Variants in COL5A1 observed in about 807,000 individuals in gnomAD.
The protein encoded by COL5A1 is collagen alpha-1(V) chain.
Under a neutral mutation model 263.7 loss-of-function variants are expected in COL5A1, and 16 were observed. The ratio of observed to expected loss-of-function variants is 0.06; its 90% CI spans 0.04 to 0.09. The LOEUF (loss-of-function observed/expected upper bound fraction) is 0.09, where lower values mean the gene tolerates loss of function less well. Ranked by LOEUF, COL5A1 falls within the 10% of genes least tolerant of loss-of-function variation. COL5A1 has a pLI of 1.00. For missense variants in COL5A1, 2,036 were observed against 2,540.5 expected (o/e 0.80, Z 4.27); for synonymous variants, 1,012 against 1,004.5 (o/e 1.01, Z -0.14).
intron 9 of COL5A1, among the ~76,000 whole-genome samples, chr9:134,737,921 T>C (rs1300731887): frequency 6.6e-6 from 1 of 152,130 alleles, no homozygotes; most frequent in Non-Finnish European, 1.5e-5. Flanking sequence ...GGTTCTGGGC[T>C]GCTGCGTGCA....
rs150993138 is a variant in COL5A1, at chr9:134,767,050, C to T, written c.2184C>T (p.Ala728=). Residue 728 remains alanine, a synonymous_variant, in exon 23 of 66, where the codon GCC becomes GCT. Transcript: ENST00000371817. The part of the protein sequence containing the change: ...GPPGQQGNPG[A]QGLPGPQGAI... ...CAGGACAGCAGGGTAATCCAGGCGC[C>T]CAGGTAAGTGAGCCTGAGAGAGGCA... 10 of 1,613,290 alleles carry T rather than the reference C, an allele frequency of 6.2e-6. No homozygotes were observed. The East Asian group carries it at 1.8e-4, about 29-fold the overall frequency.
intron 46 of COL5A1, 112 bp from the exon 47 acceptor site, chr9:134,812,337 C>T (rs918521096): frequency 2.0e-5 from 23 of 1,129,178 alleles, no homozygotes; most frequent in African/African-American, 7.6e-5. Context: ...AGCACCTTCC[C>T]GGGGCTTCGG....
In COL5A1 at chr9:134,844,724, A is replaced by G. The variant is rs1441161844; in HGVS notation, c.*2421A>G. On this transcript the variant is annotated 3_prime_UTR_variant, in exon 66 of 66. Transcript: ENST00000371817. Reference sequence around the variant, plus strand: ...TTTCAAAAAATCCGCTAGACATGTCATAAGTTTTAACTGTAATGCCCAGGA... The same window carrying G: ...TTTCAAAAAATCCGCTAGACATGTCGTAAGTTTTAACTGTAATGCCCAGGA... The G allele has an allele frequency of 6.6e-6, 1 of 152,284 alleles. No homozygotes were observed. The highest frequency in any genetic ancestry group is 1.5e-5 in the Non-Finnish European group (1 of 68,054). The allele number at this position is 152,284 out of a possible 1,614,324, so 9.4% of individuals were successfully genotyped here.
intron 4 of COL5A1, among the ~76,000 whole-genome samples, chr9:134,702,033 C>T (rs965700966): frequency 7.2e-5 from 11 of 152,136 alleles, no homozygotes; most frequent in Non-Finnish European, 1.2e-4. Flanking sequence ...CGGGTGGGGG[C>T]GTTGGAGTCA....
chr9:134,792,850 C>T (rs1323942604), intron 32 of COL5A1, among the ~76,000 whole-genome samples: 3 of 55,072 alleles, frequency 5.4e-5, no homozygotes, highest in Admixed American at 2.0e-4. Flanking sequence ...TGTGTGTGTG[C>T]GCACACGTGT....
chr9:134,811,242 G>C, intron 44 of COL5A1, 97 bp from the exon 45 acceptor site: 1 of 1,053,364 alleles, frequency 9.5e-7, no homozygotes, highest in Non-Finnish European at 1.5e-6. Context: ...GACGACGTTG[G>C]ATGCATCAGT....
chr9:134,839,275 G>C (rs946127709), intron 65 of COL5A1, among the ~76,000 whole-genome samples: 2 of 152,216 alleles, frequency 1.3e-5, no homozygotes, highest in Non-Finnish European at 2.9e-5. Flanking sequence ...CCTCTGGGGG[G>C]CCGTTCTGGC....
chr9:134,761,535 C>G (rs548857341), intron 18 of COL5A1, among the ~76,000 whole-genome samples: 28 of 152,372 alleles, frequency 1.8e-4, no homozygotes, highest in Non-Finnish European at 3.1e-4. Flanking sequence ...CCACTGCGTG[C>G]GAGCTCTGAG....
intron 6 of COL5A1, among the ~76,000 whole-genome samples, chr9:134,729,358 G>A (rs535308042): frequency 6.6e-6 from 1 of 152,318 alleles, no homozygotes; most frequent in East Asian, 1.9e-4. Flanking sequence ...GTATGGGTGG[G>A]TGTCCTCCTG....
chr9:134,829,835 C>G, intron 63 of COL5A1, 141 bp from the exon 64 acceptor site: 1 of 897,416 alleles, frequency 1.1e-6, no homozygotes, highest in East Asian at 2.7e-5. Context: ...TGAAGGCGCT[C>G]GGTGGGTCCT....
intron 64 of COL5A1, 196 bp downstream of exon 64, chr9:134,830,240 C>A: frequency 6.7e-7 from 1 of 1,500,304 alleles, no homozygotes; most frequent in Non-Finnish European, 9.1e-7. Context: ...TGGCTCGCGG[C>A]TCTGCATGGC....
intron 11 of COL5A1, among the ~76,000 whole-genome samples, chr9:134,743,775 C>CT (rs923189651): frequency 2.0e-5 from 3 of 152,246 alleles, no homozygotes; most frequent in Admixed American, 1.3e-4. Context: ...TTCTCCCCCT[C>CT]TTTTTTATGT....
At chr9:134,707,026 C>T (rs1833858869) in intron 4 of COL5A1, among the ~76,000 whole-genome samples, 1 of 152,198 alleles carries the variant, frequency 6.6e-6, no homozygotes, top group Non-Finnish European at 1.5e-5. Context: ...ATCTATGGGC[C>T]CTGAGCTGGC....
intron 63 of COL5A1, among the ~76,000 whole-genome samples, chr9:134,829,077 G>A (rs1379201303): frequency 1.3e-5 from 2 of 152,178 alleles, no homozygotes; most frequent in Non-Finnish European, 2.9e-5. Context: ...CCCACCCCTC[G>A]CCTGCAGTAA....
chr9:134,817,495 G>A (rs560589215), intron 53 of COL5A1, among the ~76,000 whole-genome samples: 5 of 152,172 alleles, frequency 3.3e-5, no homozygotes, highest in Admixed American at 6.5e-5. Flanking sequence ...CACAACTCGC[G>A]GCGTGCACTG....
intron 7 of COL5A1, 96 bp from the exon 8 acceptor site, chr9:134,731,400 T>C (rs1834874337): frequency 7.9e-7 from 1 of 1,268,086 alleles, no homozygotes; most frequent in Non-Finnish European, 1.1e-6. Flanking sequence ...CTCTGCCCAG[T>C]TGACCGGATA....
Position 134,766,546 on chromosome 9 carries a change from G to A in COL5A1, c.2133+48G>A, listed in dbSNP as rs747721698. The A allele has an allele frequency of 1.9e-6, 3 of 1,583,608 alleles. No homozygotes were observed. In the East Asian group the frequency reaches 6.7e-5, roughly 35 times the overall value. On this transcript the variant is annotated intron_variant, in intron 22 of 65. Coordinates refer to ENST00000371817, the MANE Select transcript of COL5A1 (RefSeq NM_000093.5). ...CCTGGCTTCAGGGGCACTTTCCCTG[G>A]GCACACTCCTTGCCTGGCTAGGGAG...
chr9:134,645,113 C>T (rs1362020205), intron 1 of COL5A1, among the ~76,000 whole-genome samples: 1 of 152,184 alleles, frequency 6.6e-6, no homozygotes, highest in African/African-American at 2.4e-5. Context: ...CTGTGCCCAC[C>T]CAGCAGTGCG....
intron 11 of COL5A1, among the ~76,000 whole-genome samples, chr9:134,745,690 T>TGGTG (rs1260783651): frequency 2.6e-5 from 4 of 152,170 alleles, no homozygotes; most frequent in African/African-American, 9.7e-5. Context: ...AACGAACGAA[T>TGGTG]GGTGGGTTCA....
Sources: allele counts gnomAD v4.1 joint callset (sites outside exome capture counted in the v4.1 genomes callset), GRCh38; gene constraint gnomAD v4.1.1; transcripts MANE v1.5; gene names NCBI Gene and HGNC (gene_info 2026-07-23, HGNC 2026-07-21).